The following RPL10L variants were observed in gnomAD, a reference collection of about 807,000 sequenced individuals.
The protein encoded by RPL10L is ribosomal protein uL16-like.
Under a neutral mutation model 10.2 loss-of-function variants are expected in RPL10L, and 11 were observed. That is an observed-to-expected ratio of 1.08 (90% CI 0.68 to 1.79). RPL10L has a LOEUF of 1.79. Among genes scored for constraint, RPL10L ranks in the 40% most tolerant of loss-of-function variants. The pLI is 0.00. For missense variants in RPL10L, 320 were observed against 289.8 expected (o/e 1.10, Z -0.76); for synonymous variants, 120 against 101.7 (o/e 1.18, Z -1.08).
Position 46,651,451 on chromosome 14 carries a change from C to T in RPL10L, c.286G>A (p.Val96Ile). Residue 96 changes from valine to isoleucine, a missense_variant, in exon 1 of 1, where the codon GTC becomes ATC. Transcript: ENST00000298283. ...HMRVRLHPFH[V>I]IRINKMLSCA... ...GACAACATCTTGTTGATGCGGATGA[C>T]ATGGAAGGGATGGAGCCGCACTCGC... 6.2e-7 allele frequency: 1 copy of T among 1,614,144 alleles called. No individual in the cohort carries two copies. The highest frequency in any genetic ancestry group is 2.2e-5 in the East Asian group (1 of 44,864).
In RPL10L at chr14:46,651,253, G is replaced by A. The variant is rs758921040; in HGVS notation, c.484C>T (p.Arg162Cys). 24 of 1,614,002 alleles carry A rather than the reference G, an allele frequency of 1.5e-5. No homozygotes were observed. The highest frequency in any genetic ancestry group is 1.6e-4 in the Middle Eastern group (1 of 6,084). Residue 162 changes from arginine to cysteine, a missense_variant, in exon 1 of 1, where the codon CGC becomes TGC. Arg to Cys is a radical substitution (Grantham distance 180, BLOSUM62 -3). Coordinates refer to ENST00000298283, the MANE Select transcript of RPL10L (RefSeq NM_080746.3). ...LRRAKFKFPG[R>C]QKIHISKKWG... ...TTCTTGGAGATATGAATCTTCTGGC[G>A]TCCAGGGAACTTGAACTTGGCCCTG...
In RPL10L at chr14:46,651,161, A is replaced by T; in HGVS notation, c.576T>A (p.Pro192=). The T allele has an allele frequency of 4.3e-6, 7 of 1,614,112 alleles. No individual in the cohort carries two copies. Among genetic ancestry groups the T allele is most frequent in the Non-Finnish European group, 5.9e-6 (7 of 1,180,026 alleles). ...GAACGTACTTGACTCCACAACCATC[A>T]GGGATGAGGCACTTCTTGGCCACCA... is the stretch of plus-strand genomic sequence containing the variant. ...EDMVAKKCLI[P]DGCGVKYVPS... The change falls in exon 1 of 1, where the codon CCT becomes CCA. Residue 192 remains proline (P), a synonymous_variant. Transcript: ENST00000298283.
Position 46,651,341 on chromosome 14 carries a change from A to G in RPL10L, c.396T>C (p.Gly132=), listed in dbSNP as rs1594941286. The part of the protein sequence containing the change: ...PQGTVARVHI[G]QVIMSIRTKL... ...TGGTGCGGATGGACATGATGACTTGACCAATGTGGACCCGGGCTACAGTAC... is the reference window on the plus strand; with the variant it reads ...TGGTGCGGATGGACATGATGACTTGGCCAATGTGGACCCGGGCTACAGTAC... The change falls in exon 1 of 1, where the codon GGT becomes GGC. Residue 132 remains glycine (G), a synonymous_variant. Coordinates refer to ENST00000298283, the MANE Select transcript of RPL10L (RefSeq NM_080746.3). 1 of 1,614,024 alleles carries G rather than the reference A, an allele frequency of 6.2e-7. No homozygotes were observed. Among genetic ancestry groups the G allele is most frequent in the South Asian group, 1.1e-5 (1 of 91,070 alleles).
Position 46,651,545 on chromosome 14 carries a change from G to A in RPL10L, c.192C>T (p.Ala64=), listed in dbSNP as rs1236851433. 3 of 1,614,136 alleles carry A rather than the reference G, an allele frequency of 1.9e-6. No individual in the cohort carries two copies. Among genetic ancestry groups the A allele is most frequent in the Admixed American group, 1.7e-5 (1 of 60,026 alleles). ...TGGCACAAATACGGGCGGCCTCCAGGGCTTCAGAAGACAGCTGCTCATATT... is the reference window on the plus strand; with the variant it reads ...TGGCACAAATACGGGCGGCCTCCAGAGCTTCAGAAGACAGCTGCTCATATT... ...SDEYEQLSSE[A]LEAARICANK... is the part of the protein sequence containing the mutation. Residue 64 remains alanine (A), a synonymous_variant, in exon 1 of 1, where the codon GCC becomes GCT. Transcript: ENST00000298283.
In RPL10L at chr14:46,651,344, A is replaced by G; in HGVS notation, c.393T>C (p.Ile131=). ...TGCGGATGGACATGATGACTTGACC[A>G]ATGTGGACCCGGGCTACAGTACCCT... ...KPQGTVARVH[I]GQVIMSIRTK... is the part of the protein sequence containing the mutation. Residue 131 remains isoleucine (I), a synonymous_variant, in exon 1 of 1, where the codon ATT becomes ATC. Transcript: ENST00000298283. 1 of 1,614,084 alleles carries G rather than the reference A, an allele frequency of 6.2e-7. No individual in the cohort carries two copies. Among genetic ancestry groups the G allele is most frequent in the African/African-American group, 1.3e-5 (1 of 75,014 alleles).
chr14:46,651,204 G>T lies in RPL10L; in HGVS notation c.533C>A (p.Ala178Asp). The change falls in exon 1 of 1, where the codon GCT becomes GAT. Residue 178 changes from alanine to aspartate, a missense_variant. Ala to Asp is a moderately radical substitution (Grantham distance 126, BLOSUM62 -2). Transcript: ENST00000298283. The part of the protein sequence containing the change: ...SKKWGFTKFN[A>D]DEFEDMVAKK... ...GGCCACCATGTCTTCAAATTCGTCAGCATTAAACTTCGTGAAGCCCCACTT... is the reference window on the plus strand; with the variant it reads ...GGCCACCATGTCTTCAAATTCGTCATCATTAAACTTCGTGAAGCCCCACTT... 2 of 1,614,154 alleles carry T rather than the reference G, an allele frequency of 1.2e-6. No homozygotes were observed. The highest frequency in any genetic ancestry group is 2.2e-5 in the South Asian group (2 of 91,080).
Position 46,651,180 on chromosome 14 carries a change from G to A in RPL10L, c.557C>T (p.Ala186Val), listed in dbSNP as rs1336382498. 1 of 1,614,064 alleles carries A rather than the reference G, an allele frequency of 6.2e-7. No homozygotes were observed. The highest frequency in any genetic ancestry group is 8.5e-7 in the Non-Finnish European group (1 of 1,180,014). Residue 186 changes from alanine (A) to valine (V), a missense_variant, in exon 1 of 1, where the codon GCC (alanine) becomes GTC (valine). Transcript: ENST00000298283. ...ACCATCAGGGATGAGGCACTTCTTG[G>A]CCACCATGTCTTCAAATTCGTCAGC... ...FNADEFEDMV[A>V]KKCLIPDGCG...
Position 46,651,278 on chromosome 14 carries a change from G to A in RPL10L, c.459C>T (p.Arg153=). Residue 153 remains arginine (R), a synonymous_variant, in exon 1 of 1, where the codon CGC becomes CGT. Coordinates refer to ENST00000298283, the MANE Select transcript of RPL10L (RefSeq NM_080746.3). The part of the protein sequence containing the change: ...QNEEHVIEAL[R]RAKFKFPGRQ... ...GTCCAGGGAACTTGAACTTGGCCCT[G>A]CGCAAGGCTTCAATCACATGCTCCT... The A allele has an allele frequency of 6.2e-7, 1 of 1,614,024 alleles. No individual in the cohort carries two copies. The highest frequency in any genetic ancestry group is 2.2e-5 in the East Asian group (1 of 44,876).
At position 46,651,458 on chromosome 14, in the gene RPL10L, G is replaced by A. The variant is rs551111666; in HGVS notation, c.279C>T (p.Pro93=). 2 of 1,614,188 alleles carry A rather than the reference G, an allele frequency of 1.2e-6. No homozygotes were observed. Among genetic ancestry groups the A allele is most frequent in the South Asian group, 1.1e-5 (1 of 91,078 alleles). The part of the protein sequence containing the change: ...DGFHMRVRLH[P]FHVIRINKML... ...TCTTGTTGATGCGGATGACATGGAA[G>A]GGATGGAGCCGCACTCGCATGTGAA... The change falls in exon 1 of 1, where the codon CCC becomes CCT. Residue 93 remains proline (P), a synonymous_variant. Transcript: ENST00000298283.
Position 46,651,751 on chromosome 14 carries a change from G to C in RPL10L, c.-15C>G, listed in dbSNP as rs551186475. On this transcript the variant is annotated 5_prime_UTR_variant, in exon 1 of 1. Coordinates refer to ENST00000298283, the MANE Select transcript of RPL10L (RefSeq NM_080746.3). ...CGGCGCCCCATGGCGACACAGTAACGTCGGCGGTGCCTCGAAGTCAAAATG... is the reference window on the plus strand; with the variant it reads ...CGGCGCCCCATGGCGACACAGTAACCTCGGCGGTGCCTCGAAGTCAAAATG... 1.2e-6 allele frequency: 2 copies of C among 1,613,956 alleles called. No individual in the cohort carries two copies. Among genetic ancestry groups the C allele is most frequent in the South Asian group, 1.1e-5 (1 of 91,080 alleles).
rs61745038 is a variant in RPL10L, at chr14:46,651,199, C to T, written c.538G>A (p.Glu180Lys). ...TTCTTGGCCACCATGTCTTCAAATT[C>T]GTCAGCATTAAACTTCGTGAAGCCC... ...KWGFTKFNAD[E>K]FEDMVAKKCL... Residue 180 changes from glutamate (E) to lysine (K), a missense_variant, in exon 1 of 1, where the codon GAA becomes AAA. Physicochemically the swap from Glu to Lys is moderately conservative, Grantham distance 56. Transcript: ENST00000298283. The T allele has an allele frequency of 9.8e-4, 1,586 of 1,614,098 alleles. 5 individuals are homozygous for T. In the African/African-American group the frequency reaches 0.019, roughly 19 times the overall value.
Position 46,651,167 on chromosome 14 carries a change from G to A in RPL10L, c.570C>T (p.Leu190=). The A allele has an allele frequency of 6.2e-7, 1 of 1,614,138 alleles. No homozygotes were observed. The highest frequency in any genetic ancestry group is 8.5e-7 in the Non-Finnish European group (1 of 1,180,014). ...EFEDMVAKKC[L]IPDGCGVKYV... ...ACTTGACTCCACAACCATCAGGGAT[G>A]AGGCACTTCTTGGCCACCATGTCTT... Residue 190 remains leucine (L), a synonymous_variant, in exon 1 of 1, where the codon CTC becomes CTT. Coordinates refer to ENST00000298283, the MANE Select transcript of RPL10L (RefSeq NM_080746.3).
chr14:46,651,703 A>G lies in RPL10L; in HGVS notation c.34T>C (p.Cys12Arg). The stretch of plus-strand genomic sequence containing the variant: ...GATTTTGGGTACGGCTTGTTCTTAC[A>G]ATACCGGTAACAGCGAGCTGGACGG... ...GRRPARCYRY[C>R]KNKPYPKSRF... Residue 12 changes from cysteine to arginine, a missense_variant, in exon 1 of 1, where the codon TGT becomes CGT. Coordinates refer to ENST00000298283, the MANE Select transcript of RPL10L (RefSeq NM_080746.3). The G allele has an allele frequency of 6.2e-7, 1 of 1,614,182 alleles. No homozygotes were observed. Among genetic ancestry groups the G allele is most frequent in the South Asian group, 1.1e-5 (1 of 91,082 alleles).
chr14:46,651,756 C>G lies in RPL10L; in HGVS notation c.-20G>C, dbSNP rs779697315. The G allele has an allele frequency of 2.5e-6, 4 of 1,613,730 alleles. No homozygotes were observed. Among genetic ancestry groups the G allele is most frequent in the Non-Finnish European group, 3.4e-6 (4 of 1,179,772 alleles). The stretch of plus-strand genomic sequence containing the variant: ...CCCCATGGCGACACAGTAACGTCGG[C>G]GGTGCCTCGAAGTCAAAATGCGCTC... On this transcript the variant is annotated 5_prime_UTR_variant, in exon 1 of 1. Coordinates refer to ENST00000298283, the MANE Select transcript of RPL10L (RefSeq NM_080746.3).
rs758738737 is a variant in RPL10L, at chr14:46,651,117, T to C, written c.620A>G (p.Asp207Gly). The change falls in exon 1 of 1, where the codon GAC becomes GGC. Residue 207 changes from aspartate to glycine, a missense_variant. Coordinates refer to ENST00000298283, the MANE Select transcript of RPL10L (RefSeq NM_080746.3). ...TCATGAGTGCAGAACCCGCCACTTG[T>C]CCAAGGGGCCATGACTGGGAACGTA... ...VKYVPSHGPL[D>G]KWRVLHS 3.1e-6 allele frequency: 5 copies of C among 1,614,120 alleles called. No homozygotes were observed. The East Asian group carries it at 1.1e-4, about 36-fold the overall frequency.
In RPL10L at chr14:46,651,760, GC is replaced by G; in HGVS notation, c.-25del. On this transcript the variant is annotated 5_prime_UTR_variant, in exon 1 of 1. Transcript: ENST00000298283. ...ATGGCGACACAGTAACGTCGGCGGT[GC>G]CTCGAAGTCAAAATGCGCTCTCTTA... 1 of 1,613,604 alleles carries G rather than the reference GC, an allele frequency of 6.2e-7. No homozygotes were observed. The highest frequency in any genetic ancestry group is 8.5e-7 in the Non-Finnish European group (1 of 1,179,716).
chr14:46,651,755 G>GC lies in RPL10L; in HGVS notation c.-20dup. The GC allele has an allele frequency of 6.2e-7, 1 of 1,613,820 alleles. No homozygotes were observed. The highest frequency in any genetic ancestry group is 8.5e-7 in the Non-Finnish European group (1 of 1,179,824). ...GCCCCATGGCGACACAGTAACGTCG[G>GC]CGGTGCCTCGAAGTCAAAATGCGCT... On this transcript the variant is annotated 5_prime_UTR_variant, in exon 1 of 1. Coordinates refer to ENST00000298283, the MANE Select transcript of RPL10L (RefSeq NM_080746.3).
rs1013766837 is a variant in RPL10L at position 46,651,071 on chromosome 14, G to C, written c.*21C>G. 2 of 1,603,598 alleles carry C rather than the reference G, an allele frequency of 1.2e-6. No individual in the cohort carries two copies. Among genetic ancestry groups the C allele is most frequent in the Admixed American group, 3.4e-5 (2 of 59,004 alleles). On this transcript the variant is annotated 3_prime_UTR_variant, in exon 1 of 1. Transcript: ENST00000298283. ...ATAAGTCAGACCAGCATGGCCCAAG[G>C]AGACAGTACTGCCAAAACCTTCATG...
Position 46,651,738 on chromosome 14 carries a change from G to T in RPL10L, c.-2C>A. The T allele has an allele frequency of 6.2e-7, 1 of 1,614,212 alleles. No homozygotes were observed. Among genetic ancestry groups the T allele is most frequent in the Non-Finnish European group, 8.5e-7 (1 of 1,180,018 alleles). On this transcript the variant is annotated 5_prime_UTR_variant, in exon 1 of 1. Transcript: ENST00000298283. ...ACAGCGAGCTGGACGGCGCCCCATG[G>T]CGACACAGTAACGTCGGCGGTGCCT...
Sources: allele counts gnomAD v4.1 joint callset, GRCh38; gene constraint gnomAD v4.1.1; transcripts MANE v1.5; gene names NCBI Gene and HGNC (gene_info 2026-07-23, HGNC 2026-07-21).